TDRD5: variants seen among roughly 807,000 people sequenced by gnomAD.
TDRD5 encodes tudor domain containing 5.
TDRD5 carries 41 observed loss-of-function variants against 120.6 expected under a neutral mutation model. That is an observed-to-expected ratio of 0.34 (90% CI 0.26 to 0.44). TDRD5 has a LOEUF of 0.44. TDRD5 is among the 20% of genes least tolerant of loss of function. TDRD5 has a pLI of 1.00. For missense variants in TDRD5, 1,006 were observed against 1,221.2 expected (o/e 0.82, Z 2.63); for synonymous variants, 430 against 433.7 (o/e 0.99, Z 0.11).
chr1:179,691,099 C>A lies in TDRD5; in HGVS notation c.*156C>A. ...ATGTTAGCTTTATTATGCTAACAGTCTACTTTGATGTGTAAGTAAGTATTG... is the reference window on the plus strand; with the variant it reads ...ATGTTAGCTTTATTATGCTAACAGTATACTTTGATGTGTAAGTAAGTATTG... On this transcript the variant is annotated 3_prime_UTR_variant, in exon 18 of 18. Transcript: ENST00000444136. The A allele has an allele frequency of 3.2e-6, 3 of 941,052 alleles. No homozygotes were observed. The highest frequency in any genetic ancestry group is 4.6e-6 in the Non-Finnish European group (3 of 658,206). The allele number at this position is 941,052 out of a possible 1,614,324, so 58.3% of individuals were successfully genotyped here.
In TDRD5 at chr1:179,607,180, AT is replaced by A. The variant is rs1438090000; in HGVS notation, c.831+11365del. Among the ~76,000 whole-genome samples the A allele has an allele frequency of 2.6e-5, 4 of 152,060 alleles. No homozygotes were observed. The East Asian group carries it at 7.7e-4, about 29-fold the overall frequency. On this transcript the variant is annotated intron_variant, in intron 4 of 17. Coordinates refer to ENST00000444136, the MANE Select transcript of TDRD5 (RefSeq NM_001199085.3). ...TTTTAGATTTATACTTAAGTATTAT[AT>A]TTGGGGGAGTGCTAATGTAAATAGT...
At chr1:179,626,137 G>A (rs1003132493) in intron 6 of TDRD5, among the ~76,000 whole-genome samples, 4 of 151,900 alleles carry the variant, frequency 2.6e-5, no homozygotes, top group South Asian at 2.1e-4. Flanking sequence ...TGGGTGCAGC[G>A]CACCAGCATG....
chr1:179,634,642 TA>T lies in TDRD5; in HGVS notation c.1299+16del, dbSNP rs1207100881. 2.5e-6 allele frequency: 4 copies of T among 1,598,890 alleles called. No individual in the cohort carries two copies. The South Asian group carries it at 4.6e-5, about 18-fold the overall frequency. On this transcript the variant is annotated intron_variant, in intron 8 of 17. Coordinates refer to ENST00000444136, the MANE Select transcript of TDRD5 (RefSeq NM_001199085.3). ...GCCTTTACAGCTGGTGAGTGAGGTT[TA>T]AAGACTGTGCACTGGAGATTCAGCA... is the stretch of plus-strand genomic sequence containing the variant.
At chr1:179,618,725 T>C in intron 5 of TDRD5, 43 bp downstream of exon 5, 1 of 1,379,534 alleles carries the variant, frequency 7.2e-7, no homozygotes, top group Non-Finnish European at 9.9e-7. Flanking sequence ...AATTGATTTA[T>C]AAATTTATAT....
chr1:179,636,762 G>A (rs1454009214), intron 9 of TDRD5, among the ~76,000 whole-genome samples: 1 of 152,198 alleles, frequency 6.6e-6, no homozygotes, highest in African/African-American at 2.4e-5. Context: ...TCACAGTGGT[G>A]AATGCAACAT....
intron 16 of TDRD5, among the ~76,000 whole-genome samples, chr1:179,665,324 A>G (rs1478709876): frequency 6.6e-6 from 1 of 152,146 alleles, no homozygotes; most frequent in Non-Finnish European, 1.5e-5. Context: ...TTGTCTGACC[A>G]AAAGTTACAA....
At chr1:179,675,273 ATT>A (rs1172444253) in intron 17 of TDRD5, among the ~76,000 whole-genome samples, 807 of 66,352 alleles carry the variant, frequency 0.012, 1 homozygote, top group Non-Finnish European at 0.014. Context: ...TATTATTATT[ATT>A]TTTTTTTTTT....
chr1:179,603,686 T>C (rs1675830915), intron 4 of TDRD5, among the ~76,000 whole-genome samples: 1 of 152,224 alleles, frequency 6.6e-6, no homozygotes, highest in Non-Finnish European at 1.5e-5. Flanking sequence ...ATTTATTGAC[T>C]TGCATATGTT....
intron 17 of TDRD5, among the ~76,000 whole-genome samples, chr1:179,687,272 C>T (rs902865693): frequency 6.6e-6 from 1 of 152,174 alleles, no homozygotes; most frequent in Non-Finnish European, 1.5e-5. Flanking sequence ...CAAAGAACAT[C>T]TTTATTTCTG....
At chr1:179,625,954 C>T (rs6425583) in intron 6 of TDRD5, among the ~76,000 whole-genome samples, 65,975 of 150,706 alleles carry the variant, frequency 0.44, 14,399 homozygotes, top group Admixed American at 0.47. Flanking sequence ...CTCAGTAAAC[C>T]ATCGCAAGAA....
intron 14 of TDRD5, among the ~76,000 whole-genome samples, chr1:179,657,643 C>T (rs1162507122): frequency 6.6e-6 from 1 of 151,992 alleles, no homozygotes; most frequent in Non-Finnish European, 1.5e-5. Flanking sequence ...ATATTGCCCG[C>T]TTTGCTGTTT....
intron 17 of TDRD5, among the ~76,000 whole-genome samples, chr1:179,689,243 C>T (rs1012208978): frequency 6.6e-6 from 1 of 152,142 alleles, no homozygotes; most frequent in African/African-American, 2.4e-5. Flanking sequence ...TGTGGATGTC[C>T]TTTCTGTTTG....
chr1:179,645,400 A>G (rs1291105628), intron 11 of TDRD5, among the ~76,000 whole-genome samples: 1 of 152,086 alleles, frequency 6.6e-6, no homozygotes, highest in African/African-American at 2.4e-5. Context: ...CATTTTCCTA[A>G]TTTGTCCTTT....
intron 14 of TDRD5, among the ~76,000 whole-genome samples, chr1:179,661,471 CATTTCTGTTCTGCTATTGA>C (rs1357241324): frequency 1.3e-5 from 2 of 151,664 alleles, no homozygotes; most frequent in East Asian, 3.9e-4. Flanking sequence ...TGCATTCTTT[CATTTCTGTTCTGCTATTGA>C]AAAGACAGCC....
At chr1:179,602,501 T>C (rs1355782753) in intron 4 of TDRD5, among the ~76,000 whole-genome samples, 2 of 152,234 alleles carry the variant, frequency 1.3e-5, no homozygotes, top group African/African-American at 4.8e-5. Flanking sequence ...AGAATTTTTA[T>C]AGTTTCAGGT....
At chr1:179,612,902 C>T (rs972591350) in intron 4 of TDRD5, among the ~76,000 whole-genome samples, 3 of 143,938 alleles carry the variant, frequency 2.1e-5, no homozygotes, top group Middle Eastern at 3.8e-3. Flanking sequence ...TGCCATTGCA[C>T]TGCAGCCTGG....
At chr1:179,591,797 G>A (rs900453144), upstream of TDRD5, 24 of 152,450 alleles carry the variant, frequency 1.6e-4, no homozygotes, top group African/African-American at 5.5e-4. Context: ...GCGGCGCCCC[G>A]GGAGAGGCCT....
intron 14 of TDRD5, among the ~76,000 whole-genome samples, chr1:179,654,623 G>A (rs1228458471): frequency 6.6e-6 from 1 of 152,078 alleles, no homozygotes; most frequent in Admixed American, 6.6e-5. Flanking sequence ...AAAAAAATTA[G>A]CCAGCCATAG....
At chr1:179,608,373 T>C (rs1326034298) in intron 4 of TDRD5, among the ~76,000 whole-genome samples, 1 of 152,124 alleles carries the variant, frequency 6.6e-6, no homozygotes, top group East Asian at 1.9e-4. Flanking sequence ...CAAATATTTT[T>C]CTCTCCTCTT....
Sources: allele counts gnomAD v4.1 joint callset (sites outside exome capture counted in the v4.1 genomes callset), GRCh38; gene constraint gnomAD v4.1.1; transcripts MANE v1.5; gene names NCBI Gene and HGNC (gene_info 2026-07-23, HGNC 2026-07-21).